Variants in EYS observed in about 807,000 individuals in gnomAD.
EYS encodes protein eyes shut homolog.
In EYS, 250 loss-of-function variants were observed where a neutral mutation model predicts 282.1. The observed-to-expected ratio is 0.89, with a 90% CI of 0.80 to 0.98. The LOEUF (loss-of-function observed/expected upper bound fraction) is 0.98. Among genes scored for constraint, EYS ranks in the 50% least tolerant of loss-of-function variants. EYS has a pLI of 0.00. For synonymous variants in EYS, 1,355 were observed against 1,282.9 expected, an observed-to-expected ratio of 1.06 and a Z score of -1.20; for missense variants, 4,016 against 3,709.0, an observed-to-expected ratio of 1.08 and a Z score of -2.15.
chr6:65,053,484 AAGAT>A (rs1318990172), intron 13 of EYS, among the ~76,000 whole-genome samples: 1 of 151,828 alleles, frequency 6.6e-6, no homozygotes, highest in Admixed American at 6.6e-5. Flanking sequence ...TTATATAAAA[AAGAT>A]AGACATCATT....
chr6:65,097,963 ATTATG>A (rs1235835105), intron 12 of EYS, among the ~76,000 whole-genome samples: 2 of 150,846 alleles, frequency 1.3e-5, no homozygotes, highest in Non-Finnish European at 1.5e-5. Context: ...CCTGTAAAAT[ATTATG>A]TTGTTTCTGT....
At chr6:65,500,332 C>G (rs140271873) in intron 2 of EYS, among the ~76,000 whole-genome samples, 1 of 152,074 alleles carries the variant, frequency 6.6e-6, no homozygotes, top group East Asian at 1.9e-4. Flanking sequence ...GAAGGTATCT[C>G]AAATTATCCT....
chr6:64,186,621 G>A (rs1422681881), intron 31 of EYS, among the ~76,000 whole-genome samples: 1 of 152,048 alleles, frequency 6.6e-6, no homozygotes, highest in East Asian at 1.9e-4. Context: ...GAGGCATCTT[G>A]TAAACAGAAA....
intron 2 of EYS, among the ~76,000 whole-genome samples, chr6:65,547,980 G>A (rs961262724): frequency 6.6e-6 from 1 of 152,136 alleles, no homozygotes; most frequent in Non-Finnish European, 1.5e-5. Flanking sequence ...TCTCATAAAT[G>A]GTTGGCTGAG....
intron 33 of EYS, among the ~76,000 whole-genome samples, chr6:64,004,277 T>A (rs762527425): frequency 1.3e-5 from 2 of 152,082 alleles, no homozygotes; most frequent in Non-Finnish European, 2.9e-5. Flanking sequence ...ATTCTCAAGG[T>A]TTTGAATATA....
At chr6:64,824,113 T>C (rs1237495590) in intron 19 of EYS, among the ~76,000 whole-genome samples, 2 of 151,872 alleles carry the variant, frequency 1.3e-5, no homozygotes, top group Non-Finnish European at 2.9e-5. Context: ...GAGACCAATG[T>C]TAATGAAGCA....
chr6:65,323,053 T>C (rs1302484593), intron 11 of EYS, among the ~76,000 whole-genome samples: 5 of 151,052 alleles, frequency 3.3e-5, no homozygotes, highest in African/African-American at 1.2e-4. Flanking sequence ...TCATGTTTTC[T>C]TTCAGAGATT....
chr6:63,877,839 T>C (rs2149716404), intron 35 of EYS, among the ~76,000 whole-genome samples: 1 of 152,362 alleles, frequency 6.6e-6, no homozygotes, highest in Admixed American at 6.5e-5. Context: ...TAAGGTCTTC[T>C]CTACACTGTT....
intron 2 of EYS, among the ~76,000 whole-genome samples, chr6:65,637,110 A>ACACAC (rs1439507179): frequency 6.6e-6 from 1 of 152,212 alleles, no homozygotes; most frequent in Non-Finnish European, 1.5e-5. Context: ...GCATGAGCCA[A>ACACAC]CACACTTGGT....
At chr6:65,625,951 A>G (rs150275739) in intron 2 of EYS, among the ~76,000 whole-genome samples, 1 of 152,264 alleles carries the variant, frequency 6.6e-6, no homozygotes, top group Non-Finnish European at 1.5e-5. Flanking sequence ...TTTTATCTTT[A>G]CTGAACTTTC....
intron 30 of EYS, among the ~76,000 whole-genome samples, chr6:64,275,052 C>G (rs1423206851): frequency 6.6e-6 from 1 of 152,164 alleles, no homozygotes; most frequent in Non-Finnish European, 1.5e-5. Flanking sequence ...CCTGGTCACA[C>G]CTACAACCTT....
chr6:65,422,159 A>G (rs1340408903), intron 5 of EYS, among the ~76,000 whole-genome samples: 2 of 151,930 alleles, frequency 1.3e-5, no homozygotes, highest in African/African-American at 4.8e-5. Context: ...TTATGCTTAT[A>G]GCATATTTAA....
chr6:64,780,919 TA>T (rs1773838951), intron 22 of EYS, among the ~76,000 whole-genome samples: 1 of 152,204 alleles, frequency 6.6e-6, no homozygotes, highest in Admixed American at 6.5e-5. Flanking sequence ...GCTTCTCAAA[TA>T]ACAGTCTAAT....
At chr6:64,734,397 A>C (rs1383148733) in intron 22 of EYS, among the ~76,000 whole-genome samples, 1 of 152,120 alleles carries the variant, frequency 6.6e-6, no homozygotes, top group Non-Finnish European at 1.5e-5. Flanking sequence ...TGGAGAGAAA[A>C]ACTAGATATC....
chr6:65,324,134 G>A (rs994439188), intron 11 of EYS, among the ~76,000 whole-genome samples: 4 of 151,272 alleles, frequency 2.6e-5, no homozygotes, highest in African/African-American at 9.7e-5. Flanking sequence ...GCCTGGCTAC[G>A]CTATATAAAA....
chr6:64,500,387 A>G (rs1367566857), intron 26 of EYS, among the ~76,000 whole-genome samples: 3 of 152,130 alleles, frequency 2.0e-5, no homozygotes, highest in African/African-American at 7.2e-5. Context: ...GTTCCTAGGA[A>G]CAACAATTTT....
At chr6:65,182,217 A>G (rs1448166293) in intron 12 of EYS, among the ~76,000 whole-genome samples, 1 of 151,060 alleles carries the variant, frequency 6.6e-6, no homozygotes, top group African/African-American at 2.4e-5. Flanking sequence ...AAAAATATAT[A>G]TAATAATAAA....
intron 26 of EYS, among the ~76,000 whole-genome samples, chr6:64,513,110 G>A (rs538569401): frequency 6.9e-4 from 104 of 151,584 alleles, no homozygotes; most frequent in Admixed American, 1.1e-3. Flanking sequence ...ACAGATTTGC[G>A]ATCAGGTTCT....
intron 2 of EYS, among the ~76,000 whole-genome samples, chr6:65,614,376 G>T (rs571256688): frequency 6.6e-6 from 1 of 151,946 alleles, no homozygotes; most frequent in Non-Finnish European, 1.5e-5. Flanking sequence ...TTTAATGTCC[G>T]TATATTTGGT....
Sources: allele counts gnomAD v4.1 joint callset (sites outside exome capture counted in the v4.1 genomes callset), GRCh38; gene constraint gnomAD v4.1.1; transcripts MANE v1.5; gene names NCBI Gene and HGNC (gene_info 2026-07-23, HGNC 2026-07-21).